ADGRB3: variants seen among roughly 807,000 people sequenced by gnomAD.
ADGRB3 encodes the protein adhesion G protein-coupled receptor B3.
A neutral mutation model predicts 193.4 loss-of-function variants in ADGRB3; 37 were observed. The ratio of observed to expected loss-of-function variants is 0.19; its 90% CI spans 0.15 to 0.25. ADGRB3 has a LOEUF of 0.25. Ranked by LOEUF, ADGRB3 falls within the 10% of genes least tolerant of loss-of-function variation. ADGRB3 has a pLI of 1.00. For synonymous variants in ADGRB3, 690 were observed against 644.2 expected, an observed-to-expected ratio of 1.07 and a Z score of -1.08; for missense variants, 1,637 against 1,852.9, an observed-to-expected ratio of 0.88 and a Z score of 2.14.
chr6:68,995,274 A>T (rs565058867), intron 11 of ADGRB3, among the ~76,000 whole-genome samples: 18 of 152,336 alleles, frequency 1.2e-4, no homozygotes, highest in Admixed American at 1.0e-3. Context: ...TTTACATTAA[A>T]AATAGCATTT....
intron 3 of ADGRB3, among the ~76,000 whole-genome samples, chr6:68,811,777 A>C (rs1767516975): frequency 6.6e-6 from 1 of 152,132 alleles, no homozygotes; most frequent in Admixed American, 6.6e-5. Flanking sequence ...GCCGAGGTGG[A>C]TGATTCTTAA....
At chr6:69,103,580 C>A (rs968286143) in intron 17 of ADGRB3, among the ~76,000 whole-genome samples, 5 of 151,818 alleles carry the variant, frequency 3.3e-5, no homozygotes, top group African/African-American at 1.2e-4. Context: ...TTTTAAAAAT[C>A]TTTCATCTAT....
intron 17 of ADGRB3, among the ~76,000 whole-genome samples, chr6:69,206,057 A>G (rs1446678062): frequency 1.5e-5 from 2 of 132,046 alleles, no homozygotes; most frequent in African/African-American, 5.3e-5. Flanking sequence ...ATATATATAT[A>G]TATATATATA....
Position 68,888,542 on chromosome 6 carries a change from TACACAC to T in ADGRB3, c.758-41989_758-41984del, listed in dbSNP as rs5877179. Among the ~76,000 whole-genome samples the T allele has an allele frequency of 5.5e-3, 798 of 146,170 alleles. 6 individuals carry two copies. Among genetic ancestry groups the T allele is most frequent in the African/African-American group, 0.019 (737 of 39,538 alleles). On this transcript the variant is annotated intron_variant, in intron 3 of 31. Coordinates refer to ENST00000370598, the MANE Select transcript of ADGRB3 (RefSeq NM_001704.3). ...TTCAGTTCCTTTTTTGGGTAATAGATACACACACACACACACACACACACACACACA... is the reference window on the plus strand; with the variant it reads ...TTCAGTTCCTTTTTTGGGTAATAGATACACACACACACACACACACACACA...
intron 3 of ADGRB3, among the ~76,000 whole-genome samples, chr6:68,727,988 C>A (rs1004492026): frequency 1.3e-5 from 2 of 151,420 alleles, no homozygotes; most frequent in South Asian, 4.2e-4. Flanking sequence ...TTCTCAGGAG[C>A]TTAATATAAA....
intron 17 of ADGRB3, among the ~76,000 whole-genome samples, chr6:69,096,366 T>TG (rs1275773708): frequency 8.0e-6 from 1 of 125,252 alleles, no homozygotes; most frequent in African/African-American, 2.6e-5. Flanking sequence ...GTTTTGGGTT[T>TG]TTTTTTTTTT....
chr6:68,805,819 T>G (rs925033017), intron 3 of ADGRB3, among the ~76,000 whole-genome samples: 3 of 152,246 alleles, frequency 2.0e-5, no homozygotes, highest in Admixed American at 1.3e-4. Flanking sequence ...TCCATTATAT[T>G]TCCTATGTAG....
chr6:69,025,564 C>T (rs922318520), intron 13 of ADGRB3, among the ~76,000 whole-genome samples: 21 of 149,230 alleles, frequency 1.4e-4, no homozygotes, highest in Non-Finnish European at 2.7e-4. Flanking sequence ...TGGCACCTGA[C>T]GTCAGTTCAG....
chr6:68,703,937 A>C (rs1765284834), intron 3 of ADGRB3, among the ~76,000 whole-genome samples: 1 of 151,996 alleles, frequency 6.6e-6, no homozygotes, highest in South Asian at 2.1e-4. Context: ...AAATTAGTAT[A>C]TTGTCATTGA....
At chr6:69,285,748 A>C (rs1013610617) in intron 20 of ADGRB3, among the ~76,000 whole-genome samples, 4 of 151,934 alleles carry the variant, frequency 2.6e-5, no homozygotes, top group Non-Finnish European at 5.9e-5. Flanking sequence ...GCAACCCTCT[A>C]ACTATATTTG....
Position 68,936,480 on chromosome 6 carries a change from A to C in ADGRB3, c.869-39A>C, listed in dbSNP as rs754855219. On this transcript the variant is annotated intron_variant, in intron 4 of 31. Coordinates refer to ENST00000370598, the MANE Select transcript of ADGRB3 (RefSeq NM_001704.3). ...TATAATGCTTACTAGATGAATACTT[A>C]AGACAGTATTTCATGTTTATTTGTT... 4.4e-6 allele frequency: 7 copies of C among 1,594,584 alleles called. No individual in the cohort carries two copies. In the East Asian group the frequency reaches 1.6e-4, roughly 36 times the overall value.
intron 3 of ADGRB3, among the ~76,000 whole-genome samples, chr6:68,922,162 C>A (rs1267844820): frequency 4.6e-5 from 7 of 151,998 alleles, no homozygotes; most frequent in African/African-American, 1.4e-4. Context: ...CTATGAAAAA[C>A]AAGATTTTTG....
intron 17 of ADGRB3, among the ~76,000 whole-genome samples, chr6:69,127,101 G>A (rs1773874621): frequency 6.6e-6 from 1 of 152,172 alleles, no homozygotes; most frequent in Admixed American, 6.6e-5. Flanking sequence ...CCACCATGGG[G>A]ATATGTGTTC....
intron 3 of ADGRB3, among the ~76,000 whole-genome samples, chr6:68,707,116 A>G (rs1425995953): frequency 6.6e-6 from 1 of 151,846 alleles, no homozygotes; most frequent in Non-Finnish European, 1.5e-5. Flanking sequence ...ATCTCAAAAA[A>G]AAAAAAAAAA....
At chr6:69,230,726 T>A (rs1051152961) in intron 17 of ADGRB3, among the ~76,000 whole-genome samples, 6 of 152,258 alleles carry the variant, frequency 3.9e-5, no homozygotes, top group Non-Finnish European at 7.3e-5. Flanking sequence ...TTGGGAGTGA[T>A]GAAATGCAGA....
intron 3 of ADGRB3, among the ~76,000 whole-genome samples, chr6:68,916,803 G>A (rs1766890707): frequency 6.6e-6 from 1 of 152,312 alleles, no homozygotes. Context: ...TATGGTTAGA[G>A]CATGGTATGA....
At chr6:69,172,426 G>A (rs532379024) in intron 17 of ADGRB3, among the ~76,000 whole-genome samples, 1 of 151,650 alleles carries the variant, frequency 6.6e-6, no homozygotes, top group Non-Finnish European at 1.5e-5. Context: ...GGTGGATCAC[G>A]AGGTCAGGAG....
chr6:68,916,674 A>G (rs1477552926), intron 3 of ADGRB3, among the ~76,000 whole-genome samples: 6 of 152,210 alleles, frequency 3.9e-5, no homozygotes, highest in Non-Finnish European at 8.8e-5. Flanking sequence ...GTGAAATTTT[A>G]GGTTAGATAA....
intron 17 of ADGRB3, among the ~76,000 whole-genome samples, chr6:69,229,870 A>G (rs770911822): frequency 1.3e-5 from 2 of 152,226 alleles, no homozygotes; most frequent in South Asian, 4.1e-4. Context: ...AAAGGCATCA[A>G]GTAAATATTA....
Sources: gnomAD v4.1 joint callset for allele counts (sites outside exome capture counted in the v4.1 genomes callset) on GRCh38, gnomAD v4.1.1 for gene constraint, MANE v1.5 for transcripts, NCBI Gene and HGNC (gene_info 2026-07-23, HGNC 2026-07-21) for gene names.